The following SH3RF3 variants were observed in gnomAD, a reference collection of about 807,000 sequenced individuals.
SH3RF3 encodes SH3 domain containing ring finger 3.
A neutral mutation model predicts 66.3 loss-of-function variants in SH3RF3; 29 were observed. The observed-to-expected ratio is 0.44, with a 90% CI of 0.33 to 0.60. SH3RF3 has a LOEUF of 0.60. Among genes scored for constraint, SH3RF3 ranks in the 20% least tolerant of loss-of-function variants. The pLI, the probability that SH3RF3 is intolerant of heterozygous loss-of-function variation, is 0.04. For missense variants in SH3RF3, 1,194 were observed against 1,190.9 expected, an observed-to-expected ratio of 1.00 and a Z score of -0.04; for synonymous variants, 583 against 532.0, an observed-to-expected ratio of 1.10 and a Z score of -1.32.
At chr2:109,264,548 G>A (rs2105300242) in intron 1 of SH3RF3, among the ~76,000 whole-genome samples, 1 of 152,384 alleles carries the variant, frequency 6.6e-6, no homozygotes, top group South Asian at 2.1e-4. Flanking sequence ...CAGGGCCAAA[G>A]CCAGGCTTTT....
intron 1 of SH3RF3, among the ~76,000 whole-genome samples, chr2:109,295,609 T>G (rs1681288660): frequency 6.6e-6 from 1 of 152,194 alleles, no homozygotes; most frequent in Non-Finnish European, 1.5e-5. Flanking sequence ...TGTAGCCACC[T>G]GCAAGTGCCC....
chr2:109,312,915 C>T (rs2889870), intron 1 of SH3RF3, among the ~76,000 whole-genome samples: 47,421 of 151,956 alleles, frequency 0.31, 9,177 homozygotes, highest in African/African-American at 0.55. Flanking sequence ...ACGTGGTCAT[C>T]CTAGGTGTAC....
chr2:109,459,227 T>A (rs7419404), intron 8 of SH3RF3, among the ~76,000 whole-genome samples: 71,754 of 152,002 alleles, frequency 0.47, 18,422 homozygotes, highest in Non-Finnish European at 0.56. Flanking sequence ...AAGGTACTGC[T>A]TAATATACAC....
At position 109,129,731 on chromosome 2, in the gene SH3RF3, T is replaced by C. The variant is rs760866758; in HGVS notation, c.191T>C (p.Leu64Pro). The C allele has an allele frequency of 1.3e-6, 2 of 1,538,886 alleles. No homozygotes were observed. Among genetic ancestry groups the C allele is most frequent in the South Asian group, 1.2e-5 (1 of 83,226 alleles). The change falls in exon 1 of 10, where the codon CTG (leucine) becomes CCG (proline). Residue 64 changes from leucine (L) to proline (P), a missense_variant. Leu to Pro is a moderately conservative substitution (Grantham distance 98, BLOSUM62 -3). Coordinates refer to ENST00000309415, the MANE Select transcript of SH3RF3 (RefSeq NM_001099289.3). ...LLECSVCLER[L>P]DTTAKVLPCQ... ...GAGTGCTCCGTGTGTCTGGAGCGCC[T>C]GGACACCACGGCCAAGGTGCTGCCA...
chr2:109,275,591 C>T (rs1444208849), intron 1 of SH3RF3, among the ~76,000 whole-genome samples: 2 of 152,214 alleles, frequency 1.3e-5, no homozygotes, highest in Admixed American at 6.5e-5. Context: ...GCCCCGCACC[C>T]GCCGTGCTTC....
At chr2:109,181,580 C>T (rs1198581155) in intron 1 of SH3RF3, among the ~76,000 whole-genome samples, 1 of 152,188 alleles carries the variant, frequency 6.6e-6, no homozygotes, top group Admixed American at 6.5e-5. Flanking sequence ...CACCAGATTC[C>T]TCTTTATTAA....
chr2:109,474,699 A>G lies in SH3RF3; in HGVS notation c.2149-15906A>G, dbSNP rs571549701. Among the ~76,000 whole-genome samples, 8 of 152,328 alleles carry G rather than the reference A, an allele frequency of 5.3e-5. 1 individual carries two copies. Among genetic ancestry groups the G allele is most frequent in the African/African-American group, 1.9e-4 (8 of 41,582 alleles). The stretch of plus-strand genomic sequence containing the variant: ...CCAGCCCCTTACTTTTCTCCAAAGC[A>G]TCGCAGATACTTCACCACCATCACA... On this transcript the variant is annotated intron_variant, in intron 8 of 9. Coordinates refer to ENST00000309415, the MANE Select transcript of SH3RF3 (RefSeq NM_001099289.3).
intron 1 of SH3RF3, among the ~76,000 whole-genome samples, chr2:109,143,974 T>C (rs1424180369): frequency 6.6e-6 from 1 of 152,228 alleles, no homozygotes; most frequent in African/African-American, 2.4e-5. Flanking sequence ...CTGTGTGATC[T>C]CATTCATATC....
intron 1 of SH3RF3, among the ~76,000 whole-genome samples, chr2:109,271,903 G>A (rs1250695920): frequency 1.3e-5 from 2 of 152,206 alleles, no homozygotes; most frequent in East Asian, 1.9e-4. Flanking sequence ...GATTCTAACC[G>A]CTACGCACAC....
intron 1 of SH3RF3, among the ~76,000 whole-genome samples, chr2:109,184,560 C>A (rs1678144470): frequency 6.6e-6 from 1 of 152,132 alleles, no homozygotes; most frequent in Non-Finnish European, 1.5e-5. Context: ...TAGCTTTGAG[C>A]CCCTCTGATC....
intron 1 of SH3RF3, among the ~76,000 whole-genome samples, chr2:109,241,419 G>T (rs1679779388): frequency 6.6e-6 from 1 of 152,096 alleles, no homozygotes; most frequent in Non-Finnish European, 1.5e-5. Context: ...TGCATTGGGG[G>T]AAAAAATGGC....
At chr2:109,148,325 C>T (rs1274394705) in intron 1 of SH3RF3, among the ~76,000 whole-genome samples, 1 of 152,240 alleles carries the variant, frequency 6.6e-6, no homozygotes, top group Non-Finnish European at 1.5e-5. Context: ...CTGCAGCCAG[C>T]CCAGGCCAGA....
At chr2:109,493,901 T>C (rs1179670095) in intron 9 of SH3RF3, among the ~76,000 whole-genome samples, 1 of 151,906 alleles carries the variant, frequency 6.6e-6, no homozygotes, top group East Asian at 1.9e-4. Context: ...TTTCCTTCTC[T>C]CCTCCTCCTC....
At chr2:109,431,257 T>G (rs1485361409) in intron 5 of SH3RF3, among the ~76,000 whole-genome samples, 1 of 152,216 alleles carries the variant, frequency 6.6e-6, no homozygotes, top group Non-Finnish European at 1.5e-5. Context: ...CCCAGCAGCC[T>G]GCACTGGTGT....
intron 2 of SH3RF3, among the ~76,000 whole-genome samples, chr2:109,359,478 T>TG (rs1438874153): frequency 6.6e-6 from 1 of 152,252 alleles, no homozygotes; most frequent in Non-Finnish European, 1.5e-5. Context: ...ATATACATCT[T>TG]GCACATATTT....
intron 1 of SH3RF3, among the ~76,000 whole-genome samples, chr2:109,169,008 G>A (rs113609007): frequency 1.8e-3 from 271 of 152,314 alleles, no homozygotes; most frequent in African/African-American, 5.6e-3. Flanking sequence ...CAGCTCATGA[G>A]TTTGCCTAAC....
intron 2 of SH3RF3, among the ~76,000 whole-genome samples, chr2:109,363,397 C>T (rs1219504840): frequency 6.6e-6 from 1 of 152,096 alleles, no homozygotes; most frequent in African/African-American, 2.4e-5. Context: ...TGGTGTGATT[C>T]ATTTCTCTTG....
intron 1 of SH3RF3, among the ~76,000 whole-genome samples, chr2:109,159,986 A>G (rs111394153): frequency 0.03 from 4,526 of 152,292 alleles, 210 homozygotes; most frequent in African/African-American, 0.1. Context: ...TGCACAATAA[A>G]TGTGATGCGC....
chr2:109,142,963 G>A (rs1676992509), intron 1 of SH3RF3, among the ~76,000 whole-genome samples: 1 of 152,060 alleles, frequency 6.6e-6, no homozygotes, highest in South Asian at 2.1e-4. Flanking sequence ...GTGGAGTGCC[G>A]GGGGCTTGGG....
Sources: allele counts gnomAD v4.1 joint callset (sites outside exome capture counted in the v4.1 genomes callset), GRCh38; gene constraint gnomAD v4.1.1; transcripts MANE v1.5; gene names NCBI Gene and HGNC (gene_info 2026-07-23, HGNC 2026-07-21).